The following NFIA variants were observed in gnomAD, a reference collection of about 807,000 sequenced individuals.
NFIA encodes the protein nuclear factor I A.
Under a neutral mutation model 62.8 loss-of-function variants are expected in NFIA, and 8 were observed. That is an observed-to-expected ratio of 0.13 (90% confidence interval 0.07 to 0.23). The LOEUF is 0.23. Ranked by LOEUF, NFIA falls within the 10% of genes least tolerant of loss-of-function variation. NFIA has a pLI of 1.00. For synonymous variants in NFIA, 235 were observed against 238.1 expected (o/e 0.99, Z 0.12); for missense variants, 410 against 642.1 (o/e 0.64, Z 3.91).
At chr1:61,250,736 A>C (rs1423660416) in intron 2 of NFIA, among the ~76,000 whole-genome samples, 1 of 152,234 alleles carries the variant, frequency 6.6e-6, no homozygotes, top group Non-Finnish European at 1.5e-5. Flanking sequence ...AAAAGATACT[A>C]TAAAAATATT....
Position 61,306,135 on chromosome 1 carries a change from C to T in NFIA, c.626-26377C>T, listed in dbSNP as rs558623763. Reference sequence around the variant, plus strand: ...AAAGTGCTGGGATTACAGGCGTGAGCCACCGCACCCAGCCTTCTTTTGATT... The same window carrying T: ...AAAGTGCTGGGATTACAGGCGTGAGTCACCGCACCCAGCCTTCTTTTGATT... On this transcript the variant is annotated intron_variant, in intron 3 of 10. Coordinates refer to ENST00000403491, the MANE Select transcript of NFIA (RefSeq NM_001134673.4). 3.9e-5 allele frequency among the ~76,000 whole-genome samples: 6 copies of T among 151,950 alleles called. No individual in the cohort carries two copies. The East Asian group carries it at 7.9e-4, about 20-fold the overall frequency.
In NFIA at chr1:61,426,875, C is replaced by T. The variant is rs116358769; in HGVS notation, c.1512+319C>T. On this transcript the variant is annotated intron_variant, in intron 10 of 10. Coordinates refer to ENST00000403491, the MANE Select transcript of NFIA (RefSeq NM_001134673.4). The stretch of plus-strand genomic sequence containing the variant: ...TAAATGCAAGCAGACAGAAGCAGGC[C>T]CCTACAGAACCTGAAAGTAATATCT... Among the ~76,000 whole-genome samples the T allele has an allele frequency of 2.3e-3, 356 of 152,104 alleles. 1 individual carries two copies. The highest frequency in any genetic ancestry group is 8.2e-3 in the African/African-American group (341 of 41,480).
At chr1:61,290,814 G>GA (rs2100307570) in intron 3 of NFIA, among the ~76,000 whole-genome samples, 1 of 152,082 alleles carries the variant, frequency 6.6e-6, no homozygotes, top group Admixed American at 6.6e-5. Context: ...GGAGCCAGAG[G>GA]AAAAATCTTA....
chr1:61,203,428 A>G (rs1652655669), intron 2 of NFIA, among the ~76,000 whole-genome samples: 1 of 152,132 alleles, frequency 6.6e-6, no homozygotes, highest in South Asian at 2.1e-4. Context: ...AAACAGAAGT[A>G]TCTTTTGAGC....
chr1:61,180,666 C>T (rs1029792019), intron 2 of NFIA, among the ~76,000 whole-genome samples: 1 of 152,060 alleles, frequency 6.6e-6, no homozygotes, highest in African/African-American at 2.4e-5. Context: ...TTAGGCCCAT[C>T]CTTTATAAAC....
chr1:61,401,527 G>C (rs141499611), intron 7 of NFIA, among the ~76,000 whole-genome samples: 3,787 of 152,256 alleles, frequency 0.025, 61 homozygotes, highest in Non-Finnish European at 0.041. Flanking sequence ...TTAAAGATCA[G>C]CTCTGCTTGA....
intron 2 of NFIA, among the ~76,000 whole-genome samples, chr1:61,252,986 A>C (rs1656145256): frequency 6.6e-6 from 1 of 152,188 alleles, no homozygotes; most frequent in African/African-American, 2.4e-5. Flanking sequence ...TCTTGGGATG[A>C]GATGTGTAAA....
chr1:61,131,063 G>A (rs1041479217), intron 2 of NFIA, among the ~76,000 whole-genome samples: 5 of 151,440 alleles, frequency 3.3e-5, no homozygotes, highest in Admixed American at 6.6e-5. Context: ...TAATTGCAAA[G>A]AGACTAAATG....
chr1:61,410,779 C>T (rs763220976), intron 9 of NFIA, among the ~76,000 whole-genome samples: 3 of 152,012 alleles, frequency 2.0e-5, no homozygotes, highest in Non-Finnish European at 4.4e-5. Context: ...TGGTGGCGTG[C>T]ACCCGTAGTT....
chr1:61,089,649 C>A (rs536362329), intron 2 of NFIA, among the ~76,000 whole-genome samples: 5 of 149,224 alleles, frequency 3.4e-5, no homozygotes, highest in Non-Finnish European at 7.4e-5. Flanking sequence ...TTGTGGAATC[C>A]TACCAGTAGG....
chr1:61,251,084 A>C (rs1656002983), intron 2 of NFIA: 1 of 152,156 alleles, frequency 6.6e-6, no homozygotes, highest in African/African-American at 2.4e-5. Context: ...TATGTCTTTC[A>C]CACATCATCA....
At chr1:61,117,816 A>G (rs903826607) in intron 2 of NFIA, among the ~76,000 whole-genome samples, 1 of 152,136 alleles carries the variant, frequency 6.6e-6, no homozygotes, top group Non-Finnish European at 1.5e-5. Context: ...TGTAGCCTCA[A>G]ATTTTCTATA....
rs1339977148 is a variant in NFIA, at chr1:61,305,537, A to G, written c.626-26975A>G. Among the ~76,000 whole-genome samples the G allele has an allele frequency of 2.0e-5, 3 of 152,192 alleles. No individual in the cohort carries two copies. In the East Asian group the frequency reaches 5.8e-4, roughly 29 times the overall value. On this transcript the variant is annotated intron_variant, in intron 3 of 10. Coordinates refer to ENST00000403491, the MANE Select transcript of NFIA (RefSeq NM_001134673.4). ...TGGTTTTGCAGTGTAGACTTATGAAATCTGATACCCCCATGCAGTCCTGTT... is the reference window on the plus strand; with the variant it reads ...TGGTTTTGCAGTGTAGACTTATGAAGTCTGATACCCCCATGCAGTCCTGTT...
At chr1:61,162,516 TG>T (rs1649283822) in intron 2 of NFIA, among the ~76,000 whole-genome samples, 1 of 152,300 alleles carries the variant, frequency 6.6e-6, no homozygotes, top group South Asian at 2.1e-4. Flanking sequence ...AAGGCCTGGG[TG>T]GGATGGCTGT....
intron 10 of NFIA, among the ~76,000 whole-genome samples, chr1:61,430,998 A>G (rs2499536): frequency 0.011 from 1,682 of 152,222 alleles, 23 homozygotes; most frequent in African/African-American, 0.039. Flanking sequence ...TTATTTTTCA[A>G]CGTTGTCCCG....
intron 2 of NFIA, among the ~76,000 whole-genome samples, chr1:61,165,467 T>G (rs1649505121): frequency 6.6e-6 from 1 of 152,222 alleles, no homozygotes. Flanking sequence ...TTTAGTTAAC[T>G]AAACTCAAGA....
intron 7 of NFIA, among the ~76,000 whole-genome samples, chr1:61,401,829 A>G (rs1239420155): frequency 6.6e-6 from 1 of 152,188 alleles, no homozygotes; most frequent in African/African-American, 2.4e-5. Flanking sequence ...GGTACCGAGT[A>G]CAAGTTTTTT....
At chr1:61,159,174 A>G (rs1257886525) in intron 2 of NFIA, among the ~76,000 whole-genome samples, 1 of 152,184 alleles carries the variant, frequency 6.6e-6, no homozygotes, top group Non-Finnish European at 1.5e-5. Flanking sequence ...ACCTAGTTTA[A>G]TATTTTTTTT....
intron 2 of NFIA, among the ~76,000 whole-genome samples, chr1:61,129,936 A>G (rs1647044556): frequency 6.6e-6 from 1 of 152,210 alleles, no homozygotes; most frequent in Non-Finnish European, 1.5e-5. Flanking sequence ...CACTGAAGAA[A>G]GGGCGGAGGG....
Sources: gnomAD v4.1 joint callset for allele counts (sites outside exome capture counted in the v4.1 genomes callset) on GRCh38, gnomAD v4.1.1 for gene constraint, MANE v1.5 for transcripts, NCBI Gene and HGNC (gene_info 2026-07-23, HGNC 2026-07-21) for gene names.